CSMD3: variants seen among roughly 807,000 people sequenced by gnomAD.
CSMD3 encodes the protein CUB and sushi domain-containing protein 3.
In CSMD3, 177 loss-of-function variants were observed where a neutral mutation model predicts 435.2. The observed-to-expected ratio is 0.41, with a 90% confidence interval of 0.36 to 0.46. CSMD3 has a LOEUF of 0.46. Ranked by LOEUF, CSMD3 falls within the 20% of genes least tolerant of loss-of-function variation. The pLI is 0.34. For synonymous variants in CSMD3, 1,656 were observed against 1,520.5 expected (o/e 1.09, Z -2.07); for missense variants, 4,265 against 4,504.6 (o/e 0.95, Z 1.52).
intron 6 of CSMD3, 130 bp from the exon 7 acceptor site, chr8:112,976,278 AAC>A (rs2084844935): frequency 1.9e-6 from 2 of 1,031,620 alleles, no homozygotes; most frequent in Non-Finnish European, 2.9e-6. Context: ...GCAAAACACA[AAC>A]ACGCGAGTAA....
rs1333507288 is a variant in CSMD3 at position 112,584,627 on chromosome 8, G to GA, written c.3885+2438dup. Among the ~76,000 whole-genome samples, 8 of 151,580 alleles carry GA rather than the reference G, an allele frequency of 5.3e-5. No homozygotes were observed. In the South Asian group the frequency reaches 1.2e-3, roughly 24 times the overall value. The stretch of plus-strand genomic sequence containing the variant: ...TTATGTCATACAGTAAACGAAACCA[G>GA]AAAAAAATCTCTCCTCCTAAACTTG... On this transcript the variant is annotated intron_variant, in intron 23 of 70. Coordinates refer to ENST00000297405, the MANE Select transcript of CSMD3 (RefSeq NM_198123.2).
chr8:112,308,644 C>T (rs968316286), intron 50 of CSMD3, among the ~76,000 whole-genome samples: 4 of 151,876 alleles, frequency 2.6e-5, no homozygotes, highest in Non-Finnish European at 2.9e-5. Context: ...TGAGTTTCCA[C>T]GTAACACTAC....
intron 58 of CSMD3, among the ~76,000 whole-genome samples, chr8:112,283,176 G>T (rs897248632): frequency 4.6e-5 from 7 of 152,108 alleles, no homozygotes; most frequent in African/African-American, 1.2e-4. Flanking sequence ...TCCTAGGAAT[G>T]ATGCTGATAG....
intron 7 of CSMD3, among the ~76,000 whole-genome samples, chr8:112,970,616 A>C (rs1315795931): frequency 6.6e-6 from 1 of 151,982 alleles, no homozygotes; most frequent in Non-Finnish European, 1.5e-5. Flanking sequence ...TTTGTTGCAG[A>C]CTAATATTTC....
chr8:112,779,552 C>T (rs1563952589), intron 13 of CSMD3, among the ~76,000 whole-genome samples: 2 of 151,846 alleles, frequency 1.3e-5, no homozygotes, highest in Non-Finnish European at 2.9e-5. Context: ...AAAATTCAGC[C>T]ATCTTCAGCC....
At chr8:113,293,474 A>G (rs1285671948) in intron 2 of CSMD3, among the ~76,000 whole-genome samples, 4 of 152,074 alleles carry the variant, frequency 2.6e-5, no homozygotes, top group South Asian at 4.1e-4. Flanking sequence ...TTCAGCAGTG[A>G]CCATATGATT....
intron 4 of CSMD3, among the ~76,000 whole-genome samples, chr8:113,101,152 C>T (rs1376345057): frequency 6.6e-6 from 1 of 152,158 alleles, no homozygotes; most frequent in African/African-American, 2.4e-5. Context: ...ATGGGCTCCA[C>T]AGAGGTGTCC....
chr8:113,052,304 T>C (rs946886248), intron 5 of CSMD3, among the ~76,000 whole-genome samples: 19 of 152,204 alleles, frequency 1.2e-4, no homozygotes, highest in African/African-American at 4.6e-4. Flanking sequence ...TTGGAGTATG[T>C]AAATGAGATT....
At chr8:113,010,296 A>C (rs1204133813) in intron 6 of CSMD3, among the ~76,000 whole-genome samples, 1 of 151,736 alleles carries the variant, frequency 6.6e-6, no homozygotes, top group Non-Finnish European at 1.5e-5. Flanking sequence ...TTTTATCTAG[A>C]AGCTTTCTTG....
At chr8:112,952,727 T>C (rs2083868951) in intron 8 of CSMD3, among the ~76,000 whole-genome samples, 2 of 151,322 alleles carry the variant, frequency 1.3e-5, no homozygotes, top group Admixed American at 6.6e-5. Context: ...AAACCAAGAG[T>C]ATTTAAAAAG....
intron 32 of CSMD3, among the ~76,000 whole-genome samples, chr8:112,433,526 G>A (rs1214031836): frequency 3.3e-5 from 5 of 151,364 alleles, no homozygotes; most frequent in African/African-American, 9.7e-5. Flanking sequence ...ATATGGTGAC[G>A]CATGCTTGTG....
chr8:113,031,839 C>T (rs1452732911), intron 5 of CSMD3, among the ~76,000 whole-genome samples: 3 of 151,476 alleles, frequency 2.0e-5, no homozygotes, highest in Admixed American at 1.3e-4. Flanking sequence ...GTAATATCCA[C>T]ATGTTGAAAG....
At chr8:112,904,086 C>A (rs1166178386) in intron 10 of CSMD3, among the ~76,000 whole-genome samples, 1 of 151,246 alleles carries the variant, frequency 6.6e-6, no homozygotes, top group Non-Finnish European at 1.5e-5. Context: ...GCTTTTTCCC[C>A]CCCAGAGACA....
intron 3 of CSMD3, among the ~76,000 whole-genome samples, chr8:113,203,087 C>T (rs968683838): frequency 1.3e-5 from 2 of 151,860 alleles, no homozygotes; most frequent in South Asian, 2.1e-4. Flanking sequence ...AACAATAATA[C>T]AGTATAGTTT....
intron 5 of CSMD3, among the ~76,000 whole-genome samples, chr8:113,052,524 G>A (rs1419028712): frequency 1.3e-5 from 2 of 152,186 alleles, no homozygotes; most frequent in Non-Finnish European, 2.9e-5. Flanking sequence ...AGGTGTCATG[G>A]CCCAGCACTT....
intron 3 of CSMD3, among the ~76,000 whole-genome samples, chr8:113,203,759 T>C (rs2092739356): frequency 6.6e-6 from 1 of 152,254 alleles, no homozygotes; most frequent in African/African-American, 2.4e-5. Flanking sequence ...TAAACATTTG[T>C]AGATAACATG....
At chr8:112,339,151 G>T (rs555613860) in intron 42 of CSMD3, among the ~76,000 whole-genome samples, 6 of 152,102 alleles carry the variant, frequency 3.9e-5, no homozygotes, top group African/African-American at 1.2e-4. Flanking sequence ...TGAGAAATTG[G>T]CTGTCTGCAA....
chr8:112,303,652 T>C (rs1254218580), intron 52 of CSMD3, among the ~76,000 whole-genome samples: 4 of 152,150 alleles, frequency 2.6e-5, no homozygotes, highest in African/African-American at 9.7e-5. Context: ...ATATTTTTAA[T>C]ACTTTAATTC....
intron 1 of CSMD3, among the ~76,000 whole-genome samples, chr8:113,421,179 A>G (rs2094607274): frequency 6.6e-6 from 1 of 152,170 alleles, no homozygotes; most frequent in African/African-American, 2.4e-5. Flanking sequence ...CAGAGTTAAA[A>G]TGATCAAAAT....
Sources: gnomAD v4.1 joint callset for allele counts (sites outside exome capture counted in the v4.1 genomes callset) on GRCh38, gnomAD v4.1.1 for gene constraint, MANE v1.5 for transcripts, NCBI Gene and HGNC (gene_info 2026-07-23, HGNC 2026-07-21) for gene names.